Variants in SLC35F4 observed in about 807,000 individuals in gnomAD.
SLC35F4 encodes solute carrier family 35 member F4, also known as chromosome 14 open reading frame 36.
A neutral mutation model predicts 44.2 loss-of-function variants in SLC35F4; 24 were observed. The ratio of observed to expected loss-of-function variants is 0.54; its 90% confidence interval spans 0.39 to 0.76. SLC35F4 has a LOEUF of 0.76. Ranked by LOEUF, SLC35F4 falls within the 30% of genes least tolerant of loss-of-function variation. SLC35F4 has a pLI of 0.00. For synonymous variants in SLC35F4, 238 were observed against 223.6 expected (o/e 1.06, Z -0.57); for missense variants, 562 against 586.1 (o/e 0.96, Z 0.42).
At chr14:57,751,460 C>T (rs750660969) in intron 1 of SLC35F4, among the ~76,000 whole-genome samples, 28 of 152,132 alleles carry the variant, frequency 1.8e-4, no homozygotes, top group Non-Finnish European at 2.9e-5. Context: ...TACTGTTATC[C>T]ACAAATGTTC....
chr14:57,920,572 C>CA (rs1415779083), intron 1 of SLC35F4, among the ~76,000 whole-genome samples: 1 of 151,998 alleles, frequency 6.6e-6, no homozygotes, highest in Non-Finnish European at 1.5e-5. Context: ...GAGCCTGTCT[C>CA]AAAAAAGAAG....
In SLC35F4 at chr14:57,564,111, C is replaced by T. The variant is rs377549726; in HGVS notation, c.*24G>A. The T allele has an allele frequency of 2.7e-5, 43 of 1,612,096 alleles. No homozygotes were observed. The highest frequency in any genetic ancestry group is 9.3e-5 in the African/African-American group (7 of 74,886). Reference sequence around the variant, plus strand: ...GTTATATTCACAGAATATACATACACGTGCATTCAAAATATGTCCCTCTCT... The same window carrying T: ...GTTATATTCACAGAATATACATACATGTGCATTCAAAATATGTCCCTCTCT... On this transcript the variant is annotated 3_prime_UTR_variant, in exon 8 of 8. Coordinates refer to ENST00000556826, the MANE Select transcript of SLC35F4 (RefSeq NM_001306087.2).
intron 1 of SLC35F4, among the ~76,000 whole-genome samples, chr14:57,823,768 T>C (rs1883430082): frequency 6.6e-6 from 1 of 152,200 alleles, no homozygotes; most frequent in South Asian, 2.1e-4. Flanking sequence ...ACATCTTTAA[T>C]TATTAAAAAT....
chr14:57,822,041 C>T (rs1330313023), intron 1 of SLC35F4, among the ~76,000 whole-genome samples: 1 of 152,180 alleles, frequency 6.6e-6, no homozygotes, highest in Non-Finnish European at 1.5e-5. Flanking sequence ...TGCCCTACTA[C>T]TGGCCCTGGC....
At chr14:57,608,519 G>A (rs555017320) in intron 1 of SLC35F4, among the ~76,000 whole-genome samples, 2 of 152,232 alleles carry the variant, frequency 1.3e-5, no homozygotes, top group South Asian at 4.2e-4. Context: ...GCCTCCCACA[G>A]GCCTCAGAAG....
chr14:57,718,142 T>C (rs974778549), intron 1 of SLC35F4, among the ~76,000 whole-genome samples: 2 of 152,226 alleles, frequency 1.3e-5, no homozygotes, highest in Admixed American at 1.3e-4. Flanking sequence ...TTTCTGTGCC[T>C]GGCTTCCATC....
chr14:57,749,841 C>T (rs551997624), intron 1 of SLC35F4, among the ~76,000 whole-genome samples: 1 of 152,304 alleles, frequency 6.6e-6, no homozygotes, highest in East Asian at 1.9e-4. Context: ...ACTTAATATT[C>T]ATTCCCAAGT....
intron 3 of SLC35F4, among the ~76,000 whole-genome samples, chr14:57,586,381 G>T (rs1308250241): frequency 6.6e-6 from 1 of 152,094 alleles, no homozygotes; most frequent in Non-Finnish European, 1.5e-5. Flanking sequence ...AACTCGAGAA[G>T]AAAACCTAGG....
At chr14:57,580,570 A>G (rs891602963) in intron 4 of SLC35F4, 2 of 356,964 alleles carry the variant, frequency 5.6e-6, no homozygotes, top group Non-Finnish European at 1.1e-5. Flanking sequence ...GCATATAAAT[A>G]TATATGTTTT....
At chr14:57,878,928 A>G (rs192539665) in intron 1 of SLC35F4, among the ~76,000 whole-genome samples, 3 of 152,322 alleles carry the variant, frequency 2.0e-5, no homozygotes, top group East Asian at 1.9e-4. Context: ...AACAACAAGT[A>G]TAAAGGTATT....
At chr14:57,635,037 G>A (rs2072957866) in intron 1 of SLC35F4, among the ~76,000 whole-genome samples, 2 of 151,984 alleles carry the variant, frequency 1.3e-5, no homozygotes, top group African/African-American at 2.4e-5. Context: ...ATCACTTGAG[G>A]CCAGGAGTTC....
chr14:57,865,953 A>C lies in SLC35F4; in HGVS notation c.-128T>G, dbSNP rs1888131959. 1 of 533,836 alleles carries C rather than the reference A, an allele frequency of 1.9e-6. No individual in the cohort carries two copies. Among genetic ancestry groups the C allele is most frequent in the South Asian group, 2.7e-5 (1 of 37,114 alleles). The allele number at this position is 533,836 out of a possible 1,614,324, so 33.1% of individuals were successfully genotyped here. ...CTCCTGCTCCCGCGCCCGGGCTCTG[A>C]CTCCACCGCCCGGCGCAGCACCGGC... On this transcript the variant is annotated 5_prime_UTR_variant, in exon 1 of 8. Coordinates refer to ENST00000556826, the MANE Select transcript of SLC35F4 (RefSeq NM_001306087.2).
intron 1 of SLC35F4, among the ~76,000 whole-genome samples, chr14:57,753,716 G>T (rs889813119): frequency 3.3e-5 from 5 of 152,154 alleles, no homozygotes; most frequent in African/African-American, 9.7e-5. Flanking sequence ...GGGAGCTGCT[G>T]CCCTTCTTCC....
chr14:57,658,665 C>T (rs574095168), intron 1 of SLC35F4, among the ~76,000 whole-genome samples: 5 of 152,126 alleles, frequency 3.3e-5, no homozygotes, highest in Admixed American at 6.6e-5. Flanking sequence ...CAGTTTAAAA[C>T]CAGATATGGC....
upstream of SLC35F4, among the ~76,000 whole-genome samples, chr14:57,870,702 G>A (rs191554830): frequency 4.3e-4 from 65 of 152,282 alleles, no homozygotes; most frequent in Non-Finnish European, 7.1e-4. Flanking sequence ...CTGGCACATC[G>A]TGGGTACACA....
intron 1 of SLC35F4, among the ~76,000 whole-genome samples, chr14:57,672,480 C>A (rs2074551709): frequency 6.6e-6 from 1 of 152,094 alleles, no homozygotes; most frequent in Non-Finnish European, 1.5e-5. Context: ...AGGAAAAATT[C>A]AGGTCCCTGG....
chr14:57,967,591 A>C (rs1430866759), intron 1 of SLC35F4, among the ~76,000 whole-genome samples: 1 of 152,244 alleles, frequency 6.6e-6, no homozygotes, highest in Non-Finnish European at 1.5e-5. Flanking sequence ...CATATTATCT[A>C]ATTTAATCCT....
At chr14:57,723,794 CA>C (rs2076141057) in intron 1 of SLC35F4, among the ~76,000 whole-genome samples, 1 of 152,106 alleles carries the variant, frequency 6.6e-6, no homozygotes, top group African/African-American at 2.4e-5. Context: ...TTTGCTTCCA[CA>C]AGATATCACA....
chr14:57,572,608 T>C, intron 4 of SLC35F4, among the ~76,000 whole-genome samples: 1 of 152,254 alleles, frequency 6.6e-6, no homozygotes, highest in Non-Finnish European at 1.5e-5. Context: ...ACTTGGAATG[T>C]CAAATGGAAG....
Sources: allele counts gnomAD v4.1 joint callset (sites outside exome capture counted in the v4.1 genomes callset), GRCh38; gene constraint gnomAD v4.1.1; transcripts MANE v1.5; gene names NCBI Gene and HGNC (gene_info 2026-07-23, HGNC 2026-07-21).